SNRNP70: variants seen among roughly 807,000 people sequenced by gnomAD.
SNRNP70 encodes small nuclear ribonucleoprotein U1 subunit 70.
A neutral mutation model predicts 50.5 loss-of-function variants in SNRNP70; 8 were observed. That is an observed-to-expected ratio of 0.16 (90% CI 0.09 to 0.29). SNRNP70 has a LOEUF of 0.29. SNRNP70 is among the 10% of genes least tolerant of loss of function. SNRNP70 has a pLI of 1.00. For synonymous variants in SNRNP70, 320 were observed against 252.9 expected (o/e 1.27, Z -2.52); for missense variants, 529 against 663.5 (o/e 0.80, Z 2.23).
At position 49,098,630 on chromosome 19, in the gene SNRNP70, A is replaced by G. The variant is rs372308188; in HGVS notation, c.331-12A>G. The G allele has an allele frequency of 1.9e-6, 3 of 1,613,180 alleles. No individual in the cohort carries two copies. Among genetic ancestry groups the G allele is most frequent in the South Asian group, 2.2e-5 (2 of 91,056 alleles). ...TGTTCTCCCATTTAACGTCATATCC[A>G]TCTCCTTGTAGAATTATGACACAAC... On this transcript the variant is annotated splice_polypyrimidine_tract_variant and intron_variant, in intron 5 of 9. Transcript: ENST00000598441.
chr19:49,105,901 A>G (rs990962005), intron 8 of SNRNP70, among the ~76,000 whole-genome samples: 1 of 152,134 alleles, frequency 6.6e-6, no homozygotes, highest in Non-Finnish European at 1.5e-5. Flanking sequence ...GTCCTGGATG[A>G]GTCTCTTGTT....
Position 49,090,282 on chromosome 19 carries a change from T to C in SNRNP70, c.148-9T>C, listed in dbSNP as rs757567244. 1.2e-6 allele frequency: 2 copies of C among 1,613,476 alleles called. No homozygotes were observed. The highest frequency in any genetic ancestry group is 1.7e-6 in the Non-Finnish European group (2 of 1,179,836). ...CTTCCCACCCTGTCACCTCTCTTCT[T>C]GTTCCCAGGACCCTCGAGATGCCCC... On this transcript the variant is annotated splice_polypyrimidine_tract_variant and intron_variant, in intron 2 of 9. Transcript: ENST00000598441.
intron 4 of SNRNP70, among the ~76,000 whole-genome samples, chr19:49,093,425 GC>G (rs2040473247): frequency 6.6e-6 from 1 of 151,978 alleles, no homozygotes; most frequent in African/African-American, 2.4e-5. Context: ...GGGCGTGGTG[GC>G]TCACGCCTGT....
At position 49,104,805 on chromosome 19, in the gene SNRNP70, C is replaced by A. The variant is rs1304021863; in HGVS notation, c.577+70C>A. On this transcript the variant is annotated intron_variant, in intron 8 of 9. Transcript: ENST00000598441. The surrounding 1 kb of genome is among the most constrained non-coding windows in gnomAD (Gnocchi z 5.4). ...TGGTGGCCTTGTTCTCCCTTCTCTG[C>A]TGCTTTCTGCTTCTCTGTCTCCTGC... is the stretch of plus-strand genomic sequence containing the variant. The A allele has an allele frequency of 2.2e-6, 2 of 924,668 alleles. No homozygotes were observed. Among genetic ancestry groups the A allele is most frequent in the Non-Finnish European group, 1.6e-6 (1 of 628,486 alleles). The allele number at this position is 924,668 out of a possible 1,614,324, so 57.3% of individuals were successfully genotyped here.
At position 49,108,262 on chromosome 19, in the gene SNRNP70, A is replaced by G. The variant is rs759622194; in HGVS notation, c.1133A>G (p.His378Arg). The G allele has an allele frequency of 1.9e-6, 3 of 1,552,422 alleles. No individual in the cohort carries two copies. Among genetic ancestry groups the G allele is most frequent in the Non-Finnish European group, 2.6e-6 (3 of 1,148,698 alleles). Reference protein sequence around the residue: ...RDRDRDRDREHKRGERGSERG... With the variant: ...RDRDRDRDRERKRGERGSERG... ...CGTGACCGTGACCGTGACCGCGAGC[A>G]CAAACGGGGGGAGCGGGGCAGTGAG... The change falls in exon 10 of 10, where the codon CAC becomes CGC. Residue 378 changes from histidine (H) to arginine (R), a missense_variant. His to Arg is a conservative substitution (Grantham distance 29). Coordinates refer to ENST00000598441, the MANE Select transcript of SNRNP70 (RefSeq NM_003089.6).
In SNRNP70 at chr19:49,108,545, G is replaced by T; in HGVS notation, c.*102G>T. Reference sequence around the variant, plus strand: ...TGGCCACTTGAGTTTGTCCTCCAAGGGTAGGTGTCTCATTTGTTCTGGCCC... The same window carrying T: ...TGGCCACTTGAGTTTGTCCTCCAAGTGTAGGTGTCTCATTTGTTCTGGCCC... On this transcript the variant is annotated 3_prime_UTR_variant, in exon 10 of 10. Coordinates refer to ENST00000598441, the MANE Select transcript of SNRNP70 (RefSeq NM_003089.6). 15 of 1,419,852 alleles carry T rather than the reference G, an allele frequency of 1.1e-5. No homozygotes were observed. The highest frequency in any genetic ancestry group is 2.4e-5 in the Admixed American group (1 of 42,060). 88.0% of individuals were successfully genotyped at this position (1,419,852 alleles called of 1,614,324 possible).
intron 2 of SNRNP70, among the ~76,000 whole-genome samples, chr19:49,089,982 A>G (rs539299427): frequency 6.6e-6 from 1 of 151,832 alleles, no homozygotes; most frequent in Non-Finnish European, 1.5e-5. Flanking sequence ...GCTAATTTTT[A>G]AATTTTTTGT....
chr19:49,096,747 G>A (rs1003636047), intron 4 of SNRNP70, among the ~76,000 whole-genome samples: 2 of 151,992 alleles, frequency 1.3e-5, no homozygotes, highest in South Asian at 4.1e-4. Flanking sequence ...CTGACCTTGG[G>A]CAACAAGAGT....
At chr19:49,103,207 C>T (rs1384909041) in intron 7 of SNRNP70, 1 of 152,536 alleles carries the variant, frequency 6.6e-6, no homozygotes, top group African/African-American at 2.4e-5. Context: ...GCCTCCCTAG[C>T]CTTCTTTGTA....
rs1372024644 is a variant in SNRNP70, at chr19:49,108,509, T to A, written c.*66T>A. 1.3e-6 allele frequency: 2 copies of A among 1,528,068 alleles called. No homozygotes were observed. Among genetic ancestry groups the A allele is most frequent in the African/African-American group, 2.8e-5 (2 of 72,488 alleles). 94.7% of individuals were successfully genotyped at this position (1,528,068 alleles called of 1,614,324 possible). A position where few individuals can be genotyped will look rare whatever the true frequency, so the allele number is the denominator to read the frequency against. ...TGCCCAGCCCCTTGCTGTCATCCCC[T>A]CCCCCAACCTTGGCCACTTGAGTTT... is the stretch of plus-strand genomic sequence containing the variant. On this transcript the variant is annotated 3_prime_UTR_variant, in exon 10 of 10. Transcript: ENST00000598441.
chr19:49,101,684 G>A, intron 7 of SNRNP70: 1 of 563,594 alleles, frequency 1.8e-6, no homozygotes, highest in Non-Finnish European at 3.2e-6. Context: ...GTGTGTGTGT[G>A]TGAACCTGGG....
intron 6 of SNRNP70, 99 bp downstream of exon 6, chr19:49,098,803 AC>A (rs1298479072): frequency 6.3e-6 from 6 of 953,178 alleles, no homozygotes; most frequent in South Asian, 5.2e-5. Context: ...AGCATGGCTC[AC>A]ACCATTTCAG....
intron 4 of SNRNP70, among the ~76,000 whole-genome samples, chr19:49,097,971 T>C (rs1021192155): frequency 6.6e-6 from 1 of 152,228 alleles, no homozygotes; most frequent in Non-Finnish European, 1.5e-5. Context: ...TCCTGTGGGC[T>C]GTAGTTGCAG....
intron 2 of SNRNP70, among the ~76,000 whole-genome samples, chr19:49,088,645 C>T (rs1440608120): frequency 2.6e-5 from 4 of 151,772 alleles, no homozygotes; most frequent in Admixed American, 6.6e-5. Flanking sequence ...TACAGGCACG[C>T]GCTACCATGC....
At position 49,108,487 on chromosome 19, in the gene SNRNP70, C is replaced by G. The variant is rs1437576873; in HGVS notation, c.*44C>G. 1 of 1,548,576 alleles carries G rather than the reference C, an allele frequency of 6.5e-7. No homozygotes were observed. Among genetic ancestry groups the G allele is most frequent in the Admixed American group, 2.0e-5 (1 of 51,088 alleles). ...CTGCTGTGTTTGGACGCGTTCCTGC[C>G]CAGCCCCTTGCTGTCATCCCCTCCC... On this transcript the variant is annotated 3_prime_UTR_variant, in exon 10 of 10. Coordinates refer to ENST00000598441, the MANE Select transcript of SNRNP70 (RefSeq NM_003089.6).
At chr19:49,099,612 GC>G (rs1381254316) in intron 6 of SNRNP70, among the ~76,000 whole-genome samples, 69 of 151,842 alleles carry the variant, frequency 4.5e-4, no homozygotes, top group Non-Finnish European at 2.4e-4. Context: ...GATAGCGGGC[GC>G]CCGTAATCCC....
Position 49,107,671 on chromosome 19 carries a change from C to T in SNRNP70, c.624C>T (p.Ile208=). The change falls in exon 9 of 10, where the codon ATC becomes ATT. Residue 208 remains isoleucine (I), a synonymous_variant. Transcript: ENST00000598441. This position sits in a 1 kb window ranked among gnomAD's most constrained non-coding sequence, Gnocchi z 6.0. ...GAAGAGGAGGGGCTGATGTGAACAT[C>T]CGGCATTCAGGCCGCGATGACACCT... ...GTRRGGADVN[I]RHSGRDDTSR... The T allele has an allele frequency of 6.2e-7, 1 of 1,614,102 alleles. No individual in the cohort carries two copies.
In SNRNP70 at chr19:49,108,227, G is replaced by T; in HGVS notation, c.1098G>T (p.Arg366=). 6.5e-7 allele frequency: 1 copy of T among 1,538,138 alleles called. No homozygotes were observed. Among genetic ancestry groups the T allele is most frequent in the Non-Finnish European group, 8.8e-7 (1 of 1,141,480 alleles). The change falls in exon 10 of 10, where the codon CGG becomes CGT. Residue 366 remains arginine, a synonymous_variant. Coordinates refer to ENST00000598441, the MANE Select transcript of SNRNP70 (RefSeq NM_003089.6). ...ACCGGAGCGAGCGCGAGCGGCGCCG[G>T]GACCGGGATCGTGACCGTGACCGTG... ...RSHRSERERR[R]DRDRDRDRDR... is the part of the protein sequence containing the mutation.
At chr19:49,103,625 T>G (rs1211284308) in intron 7 of SNRNP70, 1 of 152,000 alleles carries the variant, frequency 6.6e-6, no homozygotes, top group Non-Finnish European at 1.5e-5. Flanking sequence ...GGTTGTTATT[T>G]GGGGGGGAGC....
Sources: gnomAD v4.1 joint callset for allele counts (sites outside exome capture counted in the v4.1 genomes callset) on GRCh38, gnomAD v4.1.1 for gene constraint, Gnocchi (gnomAD v3.1) non-coding constraint, MANE v1.5 for transcripts, NCBI Gene and HGNC (gene_info 2026-07-23, HGNC 2026-07-21) for gene names.